Variants in BICD1 observed in about 807,000 individuals in gnomAD.
BICD1 encodes protein bicaudal D homolog 1.
A neutral mutation model predicts 92.5 loss-of-function variants in BICD1; 35 were observed. The ratio of observed to expected loss-of-function variants is 0.38; its 90% CI spans 0.29 to 0.50. The LOEUF is 0.50. BICD1 is among the 20% of genes least tolerant of loss of function. The probability of loss-of-function intolerance (pLI) is 0.93; values close to 1 mark genes in which losing one functional copy is unlikely to be tolerated. For synonymous variants in BICD1, 429 were observed against 465.1 expected (o/e 0.92, Z 1.00); for missense variants, 950 against 1,189.8 (o/e 0.80, Z 2.97).
Position 32,339,309 on chromosome 12 carries a change from G to C in BICD1, c.2764+330G>C, listed in dbSNP as rs185547629. The C allele has an allele frequency of 1.3e-5, 13 of 1,030,376 alleles. No individual in the cohort carries two copies. The African/African-American group carries it at 2.2e-4, about 18-fold the overall frequency. 63.8% of individuals were successfully genotyped at this position (1,030,376 alleles called of 1,614,324 possible). A position where few individuals can be genotyped will look rare whatever the true frequency, so the allele number is the denominator to read the frequency against. On this transcript the variant is annotated intron_variant, in intron 8 of 9. Coordinates refer to ENST00000652176, the MANE Select transcript of BICD1 (RefSeq NM_001714.4). ...TGGTAGCTCATGGCGATTCCATCTT[G>C]GTCAGATTTGGCCAGTTCTCTCTTA...
rs181285141 is a variant in BICD1 at position 32,305,179 on chromosome 12, T to G, written c.580-518T>G. On this transcript the variant is annotated intron_variant, in intron 3 of 9. Transcript: ENST00000652176. ...TTACTCTCAAACATTTTACTGAGATTATGTTATTATAATCGTTAACAAATT... is the reference window on the plus strand; with the variant it reads ...TTACTCTCAAACATTTTACTGAGATGATGTTATTATAATCGTTAACAAATT... Among the ~76,000 whole-genome samples, 4 of 152,348 alleles carry G rather than the reference T, an allele frequency of 2.6e-5. No individual in the cohort carries two copies. In the East Asian group the frequency reaches 7.7e-4, roughly 29 times the overall value.
rs146553879 is a variant in BICD1 at position 32,189,105 on chromosome 12, G to A, written c.214-27142G>A. The stretch of plus-strand genomic sequence containing the variant: ...TTTATTTTCTCATGAAGCCTGATAG[G>A]AAAAGCTTTGCCCTTAGGCTCATAG... On this transcript the variant is annotated intron_variant, in intron 1 of 9. Coordinates refer to ENST00000652176, the MANE Select transcript of BICD1 (RefSeq NM_001714.4). 7.0e-4 allele frequency among the ~76,000 whole-genome samples: 106 copies of A among 152,274 alleles called. 1 individual carries two copies. In the East Asian group the frequency reaches 0.011, roughly 16 times the overall value.
intron 1 of BICD1, among the ~76,000 whole-genome samples, chr12:32,173,278 G>C (rs1039943445): frequency 6.6e-6 from 1 of 152,008 alleles, no homozygotes; most frequent in Admixed American, 6.6e-5. Context: ...TCAAACTCCC[G>C]AGCTCAGGCA....
At chr12:32,244,463 A>G (rs74743969) in intron 2 of BICD1, among the ~76,000 whole-genome samples, 7,117 of 152,232 alleles carry the variant, frequency 0.047, 220 homozygotes, top group Middle Eastern at 0.11. Context: ...AACACACAGC[A>G]CTTGAGGCAG....
chr12:32,184,717 G>T (rs1565572253), intron 1 of BICD1, among the ~76,000 whole-genome samples: 1 of 152,214 alleles, frequency 6.6e-6, no homozygotes, highest in Non-Finnish European at 1.5e-5. Flanking sequence ...TTGGAAAAAG[G>T]TGGATGAATT....
chr12:32,221,230 A>T (rs12816711), intron 2 of BICD1, among the ~76,000 whole-genome samples: 154 of 151,768 alleles, frequency 1.0e-3, no homozygotes, highest in Non-Finnish European at 7.4e-5. Context: ...GTGCCCTAAA[A>T]CTTTAAGTAT....
chr12:32,163,210 A>AT, intron 1 of BICD1, among the ~76,000 whole-genome samples: 1 of 152,120 alleles, frequency 6.6e-6, no homozygotes, highest in South Asian at 2.1e-4. Context: ...ATTATAATAG[A>AT]TTTTCATATA....
At chr12:32,190,799 T>C (rs1437574280) in intron 1 of BICD1, among the ~76,000 whole-genome samples, 1 of 152,222 alleles carries the variant, frequency 6.6e-6, no homozygotes, top group Non-Finnish European at 1.5e-5. Flanking sequence ...ATACACGTTT[T>C]TCTCAAGGAC....
intron 1 of BICD1, among the ~76,000 whole-genome samples, chr12:32,116,940 C>T (rs547453444): frequency 1.3e-5 from 2 of 151,690 alleles, no homozygotes; most frequent in African/African-American, 4.8e-5. Context: ...TTGGTCCAAA[C>T]TCACTTTTCT....
chr12:32,227,011 TA>T (rs145894949), intron 2 of BICD1, among the ~76,000 whole-genome samples: 10,931 of 152,116 alleles, frequency 0.072, 442 homozygotes, highest in Middle Eastern at 0.12. Flanking sequence ...TCGGGGAAGA[TA>T]ACACAGCTCA....
At chr12:32,245,703 T>C (rs1946362730) in intron 2 of BICD1, among the ~76,000 whole-genome samples, 1 of 152,108 alleles carries the variant, frequency 6.6e-6, no homozygotes, top group South Asian at 2.1e-4. Context: ...CTTAGAGTAG[T>C]TACTAGGATA....
At chr12:32,355,984 A>G (rs1939080602) in intron 8 of BICD1, among the ~76,000 whole-genome samples, 1 of 152,140 alleles carries the variant, frequency 6.6e-6, no homozygotes, top group Non-Finnish European at 1.5e-5. Context: ...AATTTCTCCT[A>G]TGATCCATTT....
intron 2 of BICD1, among the ~76,000 whole-genome samples, chr12:32,267,705 C>T (rs758971595): frequency 6.6e-6 from 1 of 152,204 alleles, no homozygotes; most frequent in Non-Finnish European, 1.5e-5. Context: ...CATCTTTCCC[C>T]CACTGATCTG....
chr12:32,283,265 T>C (rs1348093977), intron 2 of BICD1, among the ~76,000 whole-genome samples: 1 of 152,138 alleles, frequency 6.6e-6, no homozygotes, highest in Non-Finnish European at 1.5e-5. Context: ...TTTTTTTAAG[T>C]CCATCACTCT....
chr12:32,107,405 C>T lies in BICD1; in HGVS notation c.74C>T (p.Thr25Met), dbSNP rs565110613. Residue 25 changes from threonine (T) to methionine (M), a missense_variant, in exon 1 of 10, where the codon ACG (threonine) becomes ATG (methionine). Transcript: ENST00000652176. ...ATAGAGAGGCTAACCAAGGAGCTCA[C>T]GGAGACCACCCACGAGAAGATCCAG... ...TEIERLTKEL[T>M]ETTHEKIQAA... 2 of 1,611,882 alleles carry T rather than the reference C, an allele frequency of 1.2e-6. No individual in the cohort carries two copies. The highest frequency in any genetic ancestry group is 1.3e-5 in the African/African-American group (1 of 74,878).
At chr12:32,184,171 GTC>G (rs1944361061) in intron 1 of BICD1, among the ~76,000 whole-genome samples, 1 of 152,124 alleles carries the variant, frequency 6.6e-6, no homozygotes. Flanking sequence ...TCAATTTAGT[GTC>G]TCTCAAGGAA....
chr12:32,129,431 A>G (rs112324716), intron 1 of BICD1, among the ~76,000 whole-genome samples: 106 of 149,772 alleles, frequency 7.1e-4, no homozygotes, highest in African/African-American at 2.3e-3. Context: ...AGGCTGAGGC[A>G]GGACAATTGC....
chr12:32,366,715 C>A (rs1393623000), intron 8 of BICD1, among the ~76,000 whole-genome samples: 1 of 152,178 alleles, frequency 6.6e-6, no homozygotes, highest in Admixed American at 6.5e-5. Flanking sequence ...AAGCAGTTGG[C>A]AAGAGGAAAT....
intron 1 of BICD1, among the ~76,000 whole-genome samples, chr12:32,210,000 G>A (rs972343705): frequency 6.6e-6 from 1 of 152,144 alleles, no homozygotes; most frequent in Non-Finnish European, 1.5e-5. Context: ...ATACGTCATC[G>A]CAGAAAGTTC....
Sources: gnomAD v4.1 joint callset for allele counts (sites outside exome capture counted in the v4.1 genomes callset) on GRCh38, gnomAD v4.1.1 for gene constraint, MANE v1.5 for transcripts, NCBI Gene and HGNC (gene_info 2026-07-23, HGNC 2026-07-21) for gene names.